The following SOX5 variants were observed in gnomAD, a reference collection of about 807,000 sequenced individuals.
The protein encoded by SOX5 is transcription factor SOX-5.
Under a neutral mutation model 92.0 loss-of-function variants are expected in SOX5, and 9 were observed. That is an observed-to-expected ratio of 0.10 (90% CI 0.06 to 0.17). The LOEUF (loss-of-function observed/expected upper bound fraction) is 0.17. SOX5 is among the 10% of genes least tolerant of loss of function. SOX5 has a pLI of 1.00. For missense variants in SOX5, 642 were observed against 944.5 expected, an observed-to-expected ratio of 0.68 and a Z score of 4.20; for synonymous variants, 344 against 336.3, an observed-to-expected ratio of 1.02 and a Z score of -0.25.
intron 3 of SOX5, among the ~76,000 whole-genome samples, chr12:23,765,264 A>G (rs771111864): frequency 9.2e-5 from 14 of 151,874 alleles, no homozygotes; most frequent in Non-Finnish European, 1.8e-4. Context: ...AAGAAAATAC[A>G]ACAGTTTTAT....
chr12:23,611,204 T>C (rs576153886), intron 8 of SOX5, among the ~76,000 whole-genome samples: 12 of 152,134 alleles, frequency 7.9e-5, no homozygotes, highest in Non-Finnish European at 1.6e-4. Flanking sequence ...TTCCATGAGT[T>C]TGACTGTTTT....
chr12:23,907,817 A>G (rs2138252818), intron 1 of SOX5, among the ~76,000 whole-genome samples: 1 of 152,316 alleles, frequency 6.6e-6, no homozygotes, highest in East Asian at 1.9e-4. Context: ...CCTCTATAAA[A>G]AAATCATTTT....
At chr12:24,185,443 C>T (rs958066634) in intron 4 of SOX5, among the ~76,000 whole-genome samples, 1 of 152,118 alleles carries the variant, frequency 6.6e-6, no homozygotes, top group Admixed American at 6.6e-5. Context: ...ATAGCACTTA[C>T]CACATTCTAA....
intron 2 of SOX5, among the ~76,000 whole-genome samples, chr12:24,277,956 A>G (rs994325383): frequency 6.6e-6 from 1 of 152,176 alleles, no homozygotes; most frequent in Non-Finnish European, 1.5e-5. Context: ...TCTTGCCACT[A>G]TCATGAGTGA....
intron 8 of SOX5, 21 bp downstream of exon 8, chr12:23,640,776 TAACCTTTGTCTCCTC>T: frequency 6.7e-7 from 1 of 1,485,628 alleles, no homozygotes. Flanking sequence ...GATATTTACT[TAACCTTTGTCTCCTC>T]TGTATTGTTT....
At chr12:23,851,068 C>T (rs1176062473) in intron 2 of SOX5, among the ~76,000 whole-genome samples, 2 of 151,372 alleles carry the variant, frequency 1.3e-5, no homozygotes, top group African/African-American at 4.9e-5. Context: ...TTTTAAAAAA[C>T]CAGTTGCTTG....
At chr12:23,742,885 T>C (rs775857817) in intron 4 of SOX5, among the ~76,000 whole-genome samples, 5 of 152,014 alleles carry the variant, frequency 3.3e-5, no homozygotes, top group Non-Finnish European at 7.4e-5. Flanking sequence ...TCCCAGCTAC[T>C]TGGTAGGCTG....
intron 3 of SOX5, among the ~76,000 whole-genome samples, chr12:23,802,689 T>C (rs1175477657): frequency 3.9e-5 from 6 of 152,234 alleles, no homozygotes; most frequent in Non-Finnish European, 8.8e-5. Context: ...ATAATTGTTT[T>C]GTAAAATATA....
chr12:23,755,622 A>T lies in SOX5; in HGVS notation c.568+16T>A, dbSNP rs769860815. ...ATTTTGGTACATTTTGGATAAAAAC[A>T]ATCACACCATATTACCTTTTATTTC... On this transcript the variant is annotated intron_variant, in intron 4 of 14. Transcript: ENST00000451604. The T allele has an allele frequency of 9.7e-6, 15 of 1,553,090 alleles. No individual in the cohort carries two copies. The highest frequency in any genetic ancestry group is 1.1e-5 in the Non-Finnish European group (13 of 1,141,392).
At chr12:24,245,975 G>C (rs1938615278) in intron 3 of SOX5, among the ~76,000 whole-genome samples, 1 of 152,144 alleles carries the variant, frequency 6.6e-6, no homozygotes, top group South Asian at 2.1e-4. Flanking sequence ...CTTTAGTGTA[G>C]AACTGTATGT....
rs764269735 is a variant in SOX5, at chr12:23,563,283, C to T, written c.1463G>A (p.Gly488Asp). ...DGKVAVVNSLGLNNCRTEKEK... is the reference protein window; with the variant it reads ...DGKVAVVNSLDLNNCRTEKEK... The stretch of plus-strand genomic sequence containing the variant: ...CTTTTCTGTTCGGCAGTTATTGAGA[C>T]CCAGACTATTCACAACAGCCACCTT... The change falls in exon 11 of 15, where the codon GGT becomes GAT. Residue 488 changes from glycine (G) to aspartate (D), a missense_variant. This residue lies in a region of SOX5 where 324 missense variants were observed against 461.6 expected (regional missense o/e 0.70). Transcript: ENST00000451604. The T allele has an allele frequency of 3.7e-6, 6 of 1,613,694 alleles. No homozygotes were observed. The highest frequency in any genetic ancestry group is 3.4e-6 in the Non-Finnish European group (4 of 1,179,774).
At position 23,887,908 on chromosome 12, in the gene SOX5, A is replaced by AGTGTGTGTGTGT. The variant is rs1169542903; in HGVS notation, c.270+7884_270+7885insACACACACACAC. Among the ~76,000 whole-genome samples the AGTGTGTGTGTGT allele has an allele frequency of 9.7e-3, 1,029 of 105,912 alleles. 11 individuals are homozygous for AGTGTGTGTGTGT. The highest frequency in any genetic ancestry group is 0.024 in the East Asian group (69 of 2,860). 69.5% of individuals were successfully genotyped at this position (105,912 alleles called of 152,430 possible). A position where few individuals can be genotyped will look rare whatever the true frequency, so the allele number is the denominator to read the frequency against. On this transcript the variant is annotated intron_variant, in intron 2 of 14. Coordinates refer to ENST00000451604, the MANE Select transcript of SOX5 (RefSeq NM_006940.6). Reference sequence around the variant, plus strand: ...ACCTTGAATTGATGGTAATTGGTCCAGTGTGTATATGTGTGTGTGTGTGTG... The same window carrying AGTGTGTGTGTGT: ...ACCTTGAATTGATGGTAATTGGTCCAGTGTGTGTGTGTGTGTGTATATGTGTGTGTGTGTGTG...
chr12:24,550,816 A>C (rs1225729302), intron 1 of SOX5, among the ~76,000 whole-genome samples: 1 of 152,168 alleles, frequency 6.6e-6, no homozygotes, highest in African/African-American at 2.4e-5. Context: ...TTCTTTACAC[A>C]ATCTCCTTTT....
At chr12:24,071,979 C>T (rs751491076) in intron 4 of SOX5, among the ~76,000 whole-genome samples, 22 of 152,014 alleles carry the variant, frequency 1.4e-4, no homozygotes, top group Admixed American at 2.6e-4. Flanking sequence ...ATGAGTAAAC[C>T]GAAGCACAAA....
intron 2 of SOX5, among the ~76,000 whole-genome samples, chr12:24,354,073 T>G (rs1954478746): frequency 6.6e-6 from 1 of 152,194 alleles, no homozygotes; most frequent in Non-Finnish European, 1.5e-5. Context: ...TAGATTAGAT[T>G]AAAACTAGCC....
chr12:23,844,547 T>C (rs1484321704), intron 3 of SOX5, among the ~76,000 whole-genome samples: 3 of 151,974 alleles, frequency 2.0e-5, no homozygotes, highest in East Asian at 3.9e-4. Flanking sequence ...ATCAAAAATA[T>C]CAAAAAAATT....
rs1945363672 is a variant in SOX5, at chr12:24,476,216, G to A, written c.-251+86113C>T. Among the ~76,000 whole-genome samples the A allele has an allele frequency of 2.0e-5, 3 of 152,198 alleles. No individual in the cohort carries two copies. In the South Asian group the frequency reaches 6.2e-4, roughly 31 times the overall value. On this transcript the variant is annotated intron_variant, in intron 1 of 4. Coordinates refer to the SOX5 transcript ENST00000446891. Reference sequence around the variant, plus strand: ...TTATAACATTTATGACTGAATCCTTGTATGTCTGTTGAATCTAACAGTGAA... The same window carrying A: ...TTATAACATTTATGACTGAATCCTTATATGTCTGTTGAATCTAACAGTGAA...
rs2078122752 is a variant in SOX5 at position 23,628,493 on chromosome 12, CAT to C, written c.1017+12317_1017+12318del. 3.9e-5 allele frequency among the ~76,000 whole-genome samples: 6 copies of C among 152,154 alleles called. No homozygotes were observed. The South Asian group carries it at 1.0e-3, about 26-fold the overall frequency. On this transcript the variant is annotated intron_variant, in intron 8 of 14. Coordinates refer to ENST00000451604, the MANE Select transcript of SOX5 (RefSeq NM_006940.6). ...AGTTCTAGTAGTAGAGAAAGCAAGA[CAT>C]AATATTGTTGTAATTTTCATGTTAG... is the stretch of plus-strand genomic sequence containing the variant.
At position 23,534,535 on chromosome 12, in the gene SOX5, G is replaced by A; in HGVS notation, c.1989-13C>T. On this transcript the variant is annotated splice_polypyrimidine_tract_variant and intron_variant, in intron 14 of 14. Transcript: ENST00000451604. ...CTGTGCTTGTTGCCTGTCAAGAAAG[G>A]AATTTCCAAAAAGACATCGTGGGTA... is the stretch of plus-strand genomic sequence containing the variant. 6.2e-7 allele frequency: 1 copy of A among 1,600,230 alleles called. No individual in the cohort carries two copies.
Sources: allele counts gnomAD v4.1 joint callset (sites outside exome capture counted in the v4.1 genomes callset), GRCh38; gene constraint gnomAD v4.1.1; regional missense constraint gnomAD v4.1.1; transcripts MANE v1.5; gene names NCBI Gene and HGNC (gene_info 2026-07-23, HGNC 2026-07-21).